The following MDGA2 variants were observed in gnomAD, a reference collection of about 807,000 sequenced individuals.
MDGA2 encodes the protein MAM domain containing glycosylphosphatidylinositol anchor 2, also known as MAM domain-containing glycosylphosphatidylinositol anchor protein 2.
MDGA2 carries 40 observed loss-of-function variants against 117.8 expected under a neutral mutation model. The observed-to-expected ratio is 0.34, with a 90% CI of 0.26 to 0.44. MDGA2 has a LOEUF of 0.44. Ranked by LOEUF, MDGA2 falls within the 20% of genes least tolerant of loss-of-function variation. The probability of loss-of-function intolerance (pLI) is 1.00; values close to 1 mark genes in which losing one functional copy is unlikely to be tolerated. For synonymous variants in MDGA2, 452 were observed against 439.0 expected (o/e 1.03, Z -0.37); for missense variants, 1,123 against 1,250.6 (o/e 0.90, Z 1.54).
chr14:46,948,041 C>A (rs1322406974), intron 9 of MDGA2, among the ~76,000 whole-genome samples: 1 of 151,890 alleles, frequency 6.6e-6, no homozygotes, highest in African/African-American at 2.4e-5. Flanking sequence ...TGTGCCTATT[C>A]TGCAATTTAG....
chr14:47,151,469 A>T (rs1175474183), intron 3 of MDGA2, among the ~76,000 whole-genome samples: 1 of 152,198 alleles, frequency 6.6e-6, no homozygotes, highest in Non-Finnish European at 1.5e-5. Flanking sequence ...TAGCTTTTAA[A>T]TGTAGTTCAG....
chr14:47,462,232 T>C (rs1457735150), intron 1 of MDGA2, among the ~76,000 whole-genome samples: 1 of 151,302 alleles, frequency 6.6e-6, no homozygotes, highest in African/African-American at 2.4e-5. Context: ...AAAAATTAGC[T>C]GGGCGTGGTG....
chr14:47,667,730 A>C (rs564048641), intron 1 of MDGA2, among the ~76,000 whole-genome samples: 1 of 152,340 alleles, frequency 6.6e-6, no homozygotes, highest in Non-Finnish European at 1.5e-5. Context: ...GCTGTGAACA[A>C]ACCCTTCCTC....
At chr14:46,992,350 C>T (rs1304395315) in intron 8 of MDGA2, among the ~76,000 whole-genome samples, 1 of 151,934 alleles carries the variant, frequency 6.6e-6, no homozygotes, top group Non-Finnish European at 1.5e-5. Flanking sequence ...TAAAATCTAC[C>T]AATGTTACCA....
rs113440214 is a variant in MDGA2, at chr14:47,627,859, C to T, written c.280+46658G>A. 1.2e-3 allele frequency among the ~76,000 whole-genome samples: 187 copies of T among 152,274 alleles called. 2 individuals are homozygous for T. The highest frequency in any genetic ancestry group is 4.3e-3 in the African/African-American group (177 of 41,554). On this transcript the variant is annotated intron_variant, in intron 1 of 16. Coordinates refer to ENST00000399232, the MANE Select transcript of MDGA2 (RefSeq NM_001113498.3). Reference sequence around the variant, plus strand: ...CACTGTGAAGGTCTGCAGTTTCACGCCTGAGCCAGCAAGACCACGAACCCA... The same window carrying T: ...CACTGTGAAGGTCTGCAGTTTCACGTCTGAGCCAGCAAGACCACGAACCCA...
chr14:47,207,112 T>C (rs1885713153), intron 3 of MDGA2, among the ~76,000 whole-genome samples: 1 of 151,976 alleles, frequency 6.6e-6, no homozygotes, highest in African/African-American at 2.4e-5. Flanking sequence ...TTGGACATAG[T>C]TACAGTAAAT....
At chr14:47,433,410 C>T (rs1420147656) in intron 1 of MDGA2, among the ~76,000 whole-genome samples, 1 of 151,950 alleles carries the variant, frequency 6.6e-6, no homozygotes, top group African/African-American at 2.4e-5. Flanking sequence ...CAAAACTAAA[C>T]ACATAGAAAA....
intron 1 of MDGA2, among the ~76,000 whole-genome samples, chr14:47,440,456 A>G (rs1370335443): frequency 6.6e-6 from 1 of 152,100 alleles, no homozygotes; most frequent in African/African-American, 2.4e-5. Context: ...ACCTTGTCTT[A>G]GCGTCTGCTT....
chr14:46,981,682 A>AAG (rs1886678131), intron 8 of MDGA2, among the ~76,000 whole-genome samples: 1 of 152,220 alleles, frequency 6.6e-6, no homozygotes, highest in Non-Finnish European at 1.5e-5. Context: ...GCATCACTGT[A>AAG]AGATGAAGTG....
chr14:47,228,274 C>T (rs1886575560), intron 2 of MDGA2, among the ~76,000 whole-genome samples: 1 of 152,124 alleles, frequency 6.6e-6, no homozygotes, highest in Admixed American at 6.6e-5. Context: ...ATCCCCAAGA[C>T]CCCATCAAGG....
rs1320613334 is a variant in MDGA2, at chr14:47,674,652, C to T, written c.145G>A (p.Ala49Thr). 2.0e-6 allele frequency: 3 copies of T among 1,483,346 alleles called. No individual in the cohort carries two copies. The highest frequency in any genetic ancestry group is 3.9e-5 in the Admixed American group (2 of 50,810). The allele number at this position is 1,483,346 out of a possible 1,614,324, so 91.9% of individuals were successfully genotyped here. A position where few individuals can be genotyped will look rare whatever the true frequency, so the allele number is the denominator to read the frequency against. Residue 49 changes from alanine to threonine, a missense_variant, in exon 1 of 17, where the codon GCC (alanine) becomes ACC (threonine). By Grantham distance (58) the Ala-to-Thr change is moderately conservative. Around this residue, in one of 2 missense-constraint regions of MDGA2, gnomAD observed 233 missense variants for 200.3 expected, o/e 1.16. Coordinates refer to ENST00000399232, the MANE Select transcript of MDGA2 (RefSeq NM_001113498.3). ...RARVERAWLA[A>T]GLLKVPLRTP... is the part of the protein sequence containing the mutation. Reference sequence around the variant, plus strand: ...CGCAACGGGACCTTCAGGAGGCCGGCGGCCAGCCAGGCGCGCTCCACTCGC... The same window carrying T: ...CGCAACGGGACCTTCAGGAGGCCGGTGGCCAGCCAGGCGCGCTCCACTCGC...
intron 4 of MDGA2, 28 bp from the exon 5 acceptor site, chr14:47,131,874 C>T (rs1882223597): frequency 1.3e-6 from 2 of 1,505,534 alleles, no homozygotes. Flanking sequence ...AAATAAAAGT[C>T]ATTAGAAAAA....
intron 14 of MDGA2, among the ~76,000 whole-genome samples, chr14:46,868,091 A>G (rs929671219): frequency 9.2e-5 from 14 of 152,012 alleles, no homozygotes; most frequent in African/African-American, 3.1e-4. Flanking sequence ...GTTGTTTCCG[A>G]GAATCAAATG....
intron 11 of MDGA2, among the ~76,000 whole-genome samples, chr14:46,878,864 C>A (rs1434406490): frequency 6.6e-6 from 1 of 151,982 alleles, no homozygotes; most frequent in Non-Finnish European, 1.5e-5. Flanking sequence ...GTTGTATGTA[C>A]ATGTAAAGCT....
intron 1 of MDGA2, among the ~76,000 whole-genome samples, chr14:47,560,052 C>G (rs1003065478): frequency 6.6e-5 from 10 of 151,858 alleles, no homozygotes; most frequent in African/African-American, 2.4e-4. Flanking sequence ...TGCAACCTCA[C>G]TGGCATCTGT....
intron 16 of MDGA2, among the ~76,000 whole-genome samples, chr14:46,845,473 AAAAC>A (rs1349208579): frequency 6.6e-6 from 1 of 152,238 alleles, no homozygotes; most frequent in Non-Finnish European, 1.5e-5. Flanking sequence ...TAAATCTTCT[AAAAC>A]AAATAATATC....
At chr14:47,388,335 CTG>C (rs536965106) in intron 1 of MDGA2, among the ~76,000 whole-genome samples, 62 of 152,252 alleles carry the variant, frequency 4.1e-4, no homozygotes, top group African/African-American at 1.4e-3. Flanking sequence ...CTGAAGTAAA[CTG>C]AATCCTCGGA....
chr14:47,150,154 C>A (rs1883105597), intron 3 of MDGA2, among the ~76,000 whole-genome samples: 1 of 152,140 alleles, frequency 6.6e-6, no homozygotes. Context: ...TAGGCAACTT[C>A]CATAGGTCCA....
intron 1 of MDGA2, among the ~76,000 whole-genome samples, chr14:47,632,830 T>C (rs1032257328): frequency 6.6e-6 from 1 of 152,124 alleles, no homozygotes; most frequent in South Asian, 2.1e-4. Flanking sequence ...TCACTTATCT[T>C]TCAAGTTTTT....
Sources: gnomAD v4.1 joint callset for allele counts (sites outside exome capture counted in the v4.1 genomes callset) on GRCh38, gnomAD v4.1.1 for gene constraint, gnomAD v4.1.1 regional missense constraint, MANE v1.5 for transcripts, NCBI Gene and HGNC (gene_info 2026-07-23, HGNC 2026-07-21) for gene names.